Variants in SYTL3 observed in about 807,000 individuals in gnomAD.
SYTL3 encodes synaptotagmin like 3, also known as synaptotagmin-like protein 3.
Under a neutral mutation model 82.1 loss-of-function variants are expected in SYTL3, and 88 were observed. The observed-to-expected ratio is 1.07, with a 90% CI of 0.90 to 1.28. SYTL3 has a LOEUF of 1.28. Ranked by LOEUF, SYTL3 falls within the 50% of genes most tolerant of loss-of-function variation. SYTL3 has a pLI of 0.00. For synonymous variants in SYTL3, 311 were observed against 289.4 expected (o/e 1.07, Z -0.76); for missense variants, 831 against 757.6 (o/e 1.10, Z -1.14).
chr6:158,700,434 T>C (rs1486040275), intron 6 of SYTL3, among the ~76,000 whole-genome samples: 1 of 151,368 alleles, frequency 6.6e-6, no homozygotes, highest in African/African-American at 2.4e-5. Context: ...TTCTTATCTC[T>C]CTCGAAGTAC....
At chr6:158,684,975 A>G (rs975381075) in intron 6 of SYTL3, among the ~76,000 whole-genome samples, 5 of 152,104 alleles carry the variant, frequency 3.3e-5, no homozygotes, top group Admixed American at 6.6e-5. Context: ...CCTACCCCAC[A>G]TAGCCTTTTT....
At chr6:158,695,363 T>A (rs1440225674) in intron 6 of SYTL3, among the ~76,000 whole-genome samples, 3 of 151,334 alleles carry the variant, frequency 2.0e-5, no homozygotes, top group African/African-American at 7.4e-5. Flanking sequence ...GAAGGATTCA[T>A]GTGTTCATAT....
chr6:158,665,347 G>A, intron 4 of SYTL3, 48 bp from the exon 5 acceptor site: 1 of 1,530,916 alleles, frequency 6.5e-7, no homozygotes. Flanking sequence ...ATAGCCTGGG[G>A]TCAGGTGTTC....
At chr6:158,760,898 C>T (rs1045958413) in intron 15 of SYTL3, among the ~76,000 whole-genome samples, 153 bp downstream of exon 15, 3 of 152,174 alleles carry the variant, frequency 2.0e-5, no homozygotes, top group African/African-American at 4.8e-5. Context: ...AGCCATGCAG[C>T]GAGCCCGGGA....
chr6:158,720,196 G>T (rs146704377), intron 10 of SYTL3, among the ~76,000 whole-genome samples: 1 of 152,112 alleles, frequency 6.6e-6, no homozygotes, highest in Non-Finnish European at 1.5e-5. Context: ...GAGTTCAGGC[G>T]TTCGAGAGCA....
At chr6:158,648,603 A>T (rs1243185653), upstream of SYTL3, among the ~76,000 whole-genome samples, 1 of 140,514 alleles carries the variant, frequency 7.1e-6, no homozygotes, top group South Asian at 2.2e-4. Context: ...AAAAAAAAAA[A>T]AAAAAATAAT....
At chr6:158,733,689 A>G (rs1785724944) in intron 11 of SYTL3, among the ~76,000 whole-genome samples, 1 of 152,126 alleles carries the variant, frequency 6.6e-6, no homozygotes, top group Non-Finnish European at 1.5e-5. Flanking sequence ...TAAATTGTAA[A>G]GTCTGGCTCC....
At chr6:158,756,233 T>C (rs1004159594) in intron 13 of SYTL3, among the ~76,000 whole-genome samples, 2 of 152,096 alleles carry the variant, frequency 1.3e-5, no homozygotes. Flanking sequence ...GGGGAATGGG[T>C]TCCCTCGTCA....
intron 5 of SYTL3, among the ~76,000 whole-genome samples, chr6:158,675,722 C>T (rs1383114618): frequency 1.3e-5 from 2 of 152,134 alleles, no homozygotes; most frequent in African/African-American, 2.4e-5. Flanking sequence ...CCAAGATGGG[C>T]GGATCATGAG....
At chr6:158,663,814 T>G (rs1235248260) in intron 4 of SYTL3, among the ~76,000 whole-genome samples, 1 of 152,120 alleles carries the variant, frequency 6.6e-6, no homozygotes, top group Non-Finnish European at 1.5e-5. Flanking sequence ...AAGCAGCAAC[T>G]CTGATGGAAT....
At chr6:158,742,925 C>T (rs1483339476) in intron 11 of SYTL3, among the ~76,000 whole-genome samples, 1 of 152,150 alleles carries the variant, frequency 6.6e-6, no homozygotes, top group Non-Finnish European at 1.5e-5. Context: ...CCCTCAGCCA[C>T]AGCTTCCAGT....
chr6:158,762,177 G>A lies in SYTL3; in HGVS notation c.1516G>A (p.Gly506Ser), dbSNP rs374888678. 8.7e-6 allele frequency: 14 copies of A among 1,609,190 alleles called. No homozygotes were observed. The highest frequency in any genetic ancestry group is 1.2e-5 in the Non-Finnish European group (14 of 1,175,898). Residue 506 changes from glycine to serine, a missense_variant and splice_region_variant, in exon 16 of 18, where the codon GGC (glycine) becomes AGC (serine). Transcript: ENST00000611299. Reference sequence around the variant, plus strand: ...TGGCACCTTGAACTCATTTGTTAAGGGGTAGGTATTCGATGTAATCAAATA... The same window carrying A: ...TGGCACCTTGAACTCATTTGTTAAGAGGTAGGTATTCGATGTAATCAAATA... ...PDGTLNSFVKGCLTLPDQQKL... is the reference protein window; with the variant it reads ...PDGTLNSFVKSCLTLPDQQKL...
chr6:158,664,109 C>A (rs1789719580), intron 4 of SYTL3, among the ~76,000 whole-genome samples: 1 of 152,190 alleles, frequency 6.6e-6, no homozygotes, highest in Non-Finnish European at 1.5e-5. Context: ...GGTTTGGTTT[C>A]TAATGGCAGA....
chr6:158,652,180 G>A (rs1283806286), intron 2 of SYTL3, among the ~76,000 whole-genome samples: 1 of 151,798 alleles, frequency 6.6e-6, no homozygotes, highest in Non-Finnish European at 1.5e-5. Context: ...CACCCACCTC[G>A]GCCTCCCAAA....
intron 6 of SYTL3, among the ~76,000 whole-genome samples, chr6:158,690,607 TAAAAC>T (rs1779759916): frequency 1.3e-5 from 2 of 152,302 alleles, no homozygotes; most frequent in South Asian, 4.1e-4. Flanking sequence ...TTTCAACTAT[TAAAAC>T]AATTTAAAAA....
intron 5 of SYTL3, 129 bp from the exon 6 acceptor site, chr6:158,682,796 C>A: frequency 1.5e-6 from 1 of 659,610 alleles, no homozygotes; most frequent in Non-Finnish European, 2.7e-6. Flanking sequence ...GTGTTTAAGC[C>A]AGGAAATTGA....
At chr6:158,757,530 G>C (rs1789292364) in intron 14 of SYTL3, 149 bp downstream of exon 14, 1 of 866,572 alleles carries the variant, frequency 1.2e-6, no homozygotes, top group South Asian at 1.7e-5. Flanking sequence ...CTTTGAAATA[G>C]TTACTTTCTT....
chr6:158,694,295 C>CT (rs968405747), intron 6 of SYTL3, among the ~76,000 whole-genome samples: 74 of 148,568 alleles, frequency 5.0e-4, no homozygotes, highest in African/African-American at 1.5e-3. Context: ...TGATTTTATT[C>CT]TTTTTTTTTT....
intron 11 of SYTL3, among the ~76,000 whole-genome samples, chr6:158,736,642 G>A (rs1452336644): frequency 6.6e-6 from 1 of 151,932 alleles, no homozygotes; most frequent in East Asian, 1.9e-4. Context: ...ACAAACATTA[G>A]CCAGGCATGG....
Sources: allele counts gnomAD v4.1 joint callset (sites outside exome capture counted in the v4.1 genomes callset), GRCh38; gene constraint gnomAD v4.1.1; transcripts MANE v1.5; gene names NCBI Gene and HGNC (gene_info 2026-07-23, HGNC 2026-07-21).